The following XKR6 variants were observed in gnomAD, a reference collection of about 807,000 sequenced individuals.
XKR6 encodes XK-related protein 6.
Under a neutral mutation model 56.7 loss-of-function variants are expected in XKR6, and 22 were observed. The ratio of observed to expected loss-of-function variants is 0.39; its 90% CI spans 0.28 to 0.55. XKR6 has a LOEUF of 0.55. Among genes scored for constraint, XKR6 ranks in the 20% least tolerant of loss-of-function variants. The pLI is 0.66. For missense variants in XKR6, 852 were observed against 889.0 expected (o/e 0.96, Z 0.53); for synonymous variants, 524 against 387.8 (o/e 1.35, Z -4.13).
intron 1 of XKR6, among the ~76,000 whole-genome samples, chr8:11,047,256 A>G (rs932778396): frequency 1.3e-5 from 2 of 152,238 alleles, no homozygotes; most frequent in Non-Finnish European, 2.9e-5. Context: ...CACACAGTAC[A>G]CCATTAATAC....
intron 1 of XKR6, among the ~76,000 whole-genome samples, chr8:11,031,640 G>C (rs948063739): frequency 1.3e-5 from 2 of 152,240 alleles, no homozygotes; most frequent in Admixed American, 6.5e-5. Flanking sequence ...AAGGAATGGA[G>C]AGCAAATGGG....
chr8:11,062,508 T>A (rs1799861215), intron 1 of XKR6: 1 of 348,898 alleles, frequency 2.9e-6, no homozygotes, highest in East Asian at 7.7e-5. Flanking sequence ...TATTTCATTA[T>A]CACCATCTCT....
intron 1 of XKR6, among the ~76,000 whole-genome samples, chr8:11,068,371 T>C (rs550704095): frequency 6.6e-6 from 1 of 152,306 alleles, no homozygotes; most frequent in South Asian, 2.1e-4. Flanking sequence ...CAGTGAGCAA[T>C]GGTCCCCTCC....
intron 1 of XKR6, among the ~76,000 whole-genome samples, chr8:10,969,826 C>G (rs139737932): frequency 1.4e-3 from 206 of 152,354 alleles, no homozygotes; most frequent in African/African-American, 4.8e-3. Flanking sequence ...TCCTGCCAAG[C>G]CTGACGCTCA....
At chr8:10,911,919 G>A (rs530030853) in intron 2 of XKR6, among the ~76,000 whole-genome samples, 1 of 150,470 alleles carries the variant, frequency 6.6e-6, no homozygotes, top group South Asian at 2.1e-4. Flanking sequence ...TATAGAGAGG[G>A]AGGGTGAGAC....
chr8:10,916,760 A>G (rs1419097981), intron 2 of XKR6, among the ~76,000 whole-genome samples: 1 of 152,248 alleles, frequency 6.6e-6, no homozygotes, highest in Admixed American at 6.5e-5. Context: ...AAAGAAAGGC[A>G]CAGACATTTC....
At chr8:11,019,019 C>T (rs960822462) in intron 1 of XKR6, among the ~76,000 whole-genome samples, 3 of 152,162 alleles carry the variant, frequency 2.0e-5, no homozygotes, top group East Asian at 3.8e-4. Context: ...TCCTCAGGCC[C>T]CCTCACCCAC....
intron 2 of XKR6, among the ~76,000 whole-genome samples, chr8:10,919,591 T>A (rs1350702657): frequency 1.3e-5 from 2 of 152,212 alleles, no homozygotes; most frequent in Non-Finnish European, 2.9e-5. Context: ...ATTAGACCTT[T>A]GCAACAACCC....
At chr8:10,929,709 G>A (rs753689317) in intron 1 of XKR6, among the ~76,000 whole-genome samples, 1 of 152,206 alleles carries the variant, frequency 6.6e-6, no homozygotes, top group East Asian at 1.9e-4. Context: ...ATGGACGAAT[G>A]AATGCATACC....
intron 2 of XKR6, among the ~76,000 whole-genome samples, chr8:10,911,353 G>A (rs1045059252): frequency 3.5e-4 from 50 of 144,068 alleles, no homozygotes; most frequent in Admixed American, 5.6e-4. Flanking sequence ...GTGTGTGTGT[G>A]TGTATATATA....
intron 2 of XKR6, among the ~76,000 whole-genome samples, chr8:10,908,587 G>A (rs1376156589): frequency 6.6e-6 from 1 of 152,052 alleles, no homozygotes. Context: ...GTATCGCTAT[G>A]TTGTTACACA....
Position 11,201,049 on chromosome 8 carries a change from A to C in XKR6, c.291T>G (p.Pro97=). 1.6e-6 allele frequency: 2 copies of C among 1,219,432 alleles called. No individual in the cohort carries two copies. 75.5% of individuals were successfully genotyped at this position (1,219,432 alleles called of 1,614,324 possible). A position where few individuals can be genotyped will look rare whatever the true frequency, so the allele number is the denominator to read the frequency against. The change falls in exon 1 of 3, where the codon CCT becomes CCG. Residue 97 remains proline (P), a synonymous_variant. Transcript: ENST00000416569. ...AADGGDQPLQ[P]PAAPGAGRQP... is the part of the protein sequence containing the mutation. ...GGCGGCCGGCGCCGGGGGCCGCGGG[A>C]GGCTGCAGCGGCTGGTCCCCCCCGT... is the stretch of plus-strand genomic sequence containing the variant.
At chr8:10,931,705 AACTT>A (rs1801054027) in intron 1 of XKR6, among the ~76,000 whole-genome samples, 1 of 152,224 alleles carries the variant, frequency 6.6e-6, no homozygotes, top group African/African-American at 2.4e-5. Flanking sequence ...TGCAACAACT[AACTT>A]AAAATGTATC....
Position 11,114,256 on chromosome 8 carries a change from G to A in XKR6, c.764+86320C>T, listed in dbSNP as rs80255573. Among the ~76,000 whole-genome samples the A allele has an allele frequency of 2.0e-3, 303 of 152,280 alleles. 10 individuals are homozygous for A. In the East Asian group the frequency reaches 0.048, roughly 24 times the overall value. On this transcript the variant is annotated intron_variant, in intron 1 of 2. Coordinates refer to ENST00000416569, the MANE Select transcript of XKR6 (RefSeq NM_173683.4). ...TCCTATTTTGAATGGAGTGGTGCCCGTCTTATCCTGTTAGCCGCTGGGTAT... is the reference window on the plus strand; with the variant it reads ...TCCTATTTTGAATGGAGTGGTGCCCATCTTATCCTGTTAGCCGCTGGGTAT...
At chr8:11,006,219 G>A (rs1474929405) in intron 1 of XKR6, among the ~76,000 whole-genome samples, 3 of 152,222 alleles carry the variant, frequency 2.0e-5, no homozygotes, top group Non-Finnish European at 4.4e-5. Context: ...AGAGTAGGGT[G>A]AGAAATGAGC....
chr8:11,158,090 C>A (rs540059587), intron 1 of XKR6, among the ~76,000 whole-genome samples: 1 of 152,268 alleles, frequency 6.6e-6, no homozygotes, highest in South Asian at 2.1e-4. Flanking sequence ...CTTTTCAATT[C>A]TGAACCACCC....
At chr8:10,958,691 A>T (rs1342184538) in intron 1 of XKR6, among the ~76,000 whole-genome samples, 12 of 152,232 alleles carry the variant, frequency 7.9e-5, no homozygotes, top group Admixed American at 7.9e-4. Flanking sequence ...TGATGGAGGC[A>T]GTGGCCATTT....
At chr8:10,983,084 A>G (rs1377523173) in intron 1 of XKR6, among the ~76,000 whole-genome samples, 1 of 152,262 alleles carries the variant, frequency 6.6e-6, no homozygotes, top group African/African-American at 2.4e-5. Context: ...ATACTGAACA[A>G]AAATATTCTC....
intron 1 of XKR6, among the ~76,000 whole-genome samples, chr8:11,005,782 T>G (rs1278829196): frequency 2.0e-5 from 3 of 151,948 alleles, no homozygotes; most frequent in Non-Finnish European, 4.4e-5. Context: ...CTTTTTCATA[T>G]CTACAGTTTT....
Sources: allele counts gnomAD v4.1 joint callset (sites outside exome capture counted in the v4.1 genomes callset), GRCh38; gene constraint gnomAD v4.1.1; transcripts MANE v1.5; gene names NCBI Gene and HGNC (gene_info 2026-07-23, HGNC 2026-07-21).